Variants in RLN1 observed in about 807,000 individuals in gnomAD.
RLN1 encodes the protein prorelaxin H1.
Under a neutral mutation model 7.2 loss-of-function variants are expected in RLN1, and 4 were observed. The observed-to-expected ratio is 0.56, with a 90% CI of 0.28 to 1.28. RLN1 has a LOEUF of 1.28. RLN1 is among the 50% of genes most tolerant of loss of function. The pLI, the probability that RLN1 is intolerant of heterozygous loss-of-function variation, is 0.11. For missense variants in RLN1, 293 were observed against 221.1 expected, an observed-to-expected ratio of 1.32 and a Z score of -2.06; for synonymous variants, 105 against 86.0, an observed-to-expected ratio of 1.22 and a Z score of -1.22.
rs1207253480 is a variant in RLN1, at chr9:5,335,290, T to C, written c.519A>G (p.Leu173=). 3.7e-6 allele frequency: 6 copies of C among 1,601,072 alleles called. No homozygotes were observed. The South Asian group carries it at 6.9e-5, about 18-fold the overall frequency. The part of the protein sequence containing the change: ...PYVALFEKCC[L]IGCTKRSLAK... ...CAAGAGACCTTTTGGTACAACCAAT[T>C]AGGCAACATTTCTCAAACAGTGCCA... Residue 173 remains leucine, a synonymous_variant, in exon 2 of 2, where the codon CTA becomes CTG. Coordinates refer to ENST00000223862, the MANE Select transcript of RLN1 (RefSeq NM_006911.4).
chr9:5,339,764 C>T lies in RLN1; in HGVS notation c.-18G>A. The T allele has an allele frequency of 1.2e-6, 2 of 1,612,902 alleles. No homozygotes were observed. The highest frequency in any genetic ancestry group is 1.7e-6 in the Non-Finnish European group (2 of 1,179,342). On this transcript the variant is annotated 5_prime_UTR_variant, in exon 1 of 2. Coordinates refer to ENST00000223862, the MANE Select transcript of RLN1 (RefSeq NM_006911.4). ...CGAGGCATCCTGGGCCTGGTCTCTC[C>T]TGGAGGTCTGGGTGTTGCAGCCTTT...
At chr9:5,337,735 T>A (rs1298716097) in intron 1 of RLN1, among the ~76,000 whole-genome samples, 1 of 152,054 alleles carries the variant, frequency 6.6e-6, no homozygotes, top group Non-Finnish European at 1.5e-5. Context: ...TTTTCTGAGG[T>A]TACTTTCAGT....
chr9:5,335,247 C>A lies in RLN1; in HGVS notation c.*4G>T. The stretch of plus-strand genomic sequence containing the variant: ...TAGACAAGATGTGCACAATTAGCTT[C>A]ATCTCAGCAATATTTAGCAAGAGAC... On this transcript the variant is annotated 3_prime_UTR_variant, in exon 2 of 2. Coordinates refer to ENST00000223862, the MANE Select transcript of RLN1 (RefSeq NM_006911.4). The A allele has an allele frequency of 6.4e-7, 1 of 1,559,878 alleles. No individual in the cohort carries two copies. Among genetic ancestry groups the A allele is most frequent in the Non-Finnish European group, 8.7e-7 (1 of 1,151,418 alleles).
chr9:5,339,703 A>G lies in RLN1; in HGVS notation c.44T>C (p.Leu15Pro). ...FLFHLLEFCL[L>P]LNQFSRAVAA... is the part of the protein sequence containing the mutation. Reference sequence around the variant, plus strand: ...GACTGCTCTGGAAAATTGGTTCAGTAGTAAACAGAATTCTAGCAGGTGGAA... The same window carrying G: ...GACTGCTCTGGAAAATTGGTTCAGTGGTAAACAGAATTCTAGCAGGTGGAA... Residue 15 changes from leucine to proline, a missense_variant, in exon 1 of 2, where the codon CTA (leucine) becomes CCA (proline). Leu to Pro is a moderately conservative substitution (Grantham distance 98, BLOSUM62 -3). Coordinates refer to ENST00000223862, the MANE Select transcript of RLN1 (RefSeq NM_006911.4). 6.2e-7 allele frequency: 1 copy of G among 1,613,322 alleles called. No individual in the cohort carries two copies. Among genetic ancestry groups the G allele is most frequent in the Admixed American group, 1.7e-5 (1 of 60,004 alleles).
intron 1 of RLN1, 55 bp from the exon 2 acceptor site, chr9:5,335,652 T>G: frequency 9.2e-7 from 1 of 1,082,374 alleles, no homozygotes; most frequent in Non-Finnish European, 1.3e-6. Context: ...CAAAGAGCAT[T>G]CAGAAAAACT....
In RLN1 at chr9:5,335,167, T is replaced by G. The variant is rs1485155301; in HGVS notation, c.*84A>C. 1 of 717,444 alleles carries G rather than the reference T, an allele frequency of 1.4e-6. No homozygotes were observed. Among genetic ancestry groups the G allele is most frequent in the Non-Finnish European group, 2.2e-6 (1 of 446,200 alleles). 44.4% of individuals were successfully genotyped at this position (717,444 alleles called of 1,614,324 possible). A position where few individuals can be genotyped will look rare whatever the true frequency, so the allele number is the denominator to read the frequency against. ...TAAAGATTTCTTATATTCTAATAAT[T>G]AGTGGGACCTGACAGAAGCATCAGT... On this transcript the variant is annotated 3_prime_UTR_variant, in exon 2 of 2. Transcript: ENST00000223862.
At chr9:5,339,970 G>T, upstream of RLN1, 1 of 586,252 alleles carries the variant, frequency 1.7e-6, no homozygotes, top group South Asian at 2.1e-5. Context: ...TTCAGCTCTT[G>T]TTCTGCCTCT....
intron 1 of RLN1, among the ~76,000 whole-genome samples, chr9:5,336,977 G>T (rs1039627492): frequency 1.3e-5 from 2 of 151,862 alleles, no homozygotes; most frequent in Non-Finnish European, 2.9e-5. Context: ...GTTGGAGTTT[G>T]ACAGAGCAAT....
Position 5,339,786 on chromosome 9 carries a change from C to G in RLN1, c.-40G>C, listed in dbSNP as rs749994356. 6 of 1,603,576 alleles carry G rather than the reference C, an allele frequency of 3.7e-6. 1 individual carries two copies. In the South Asian group the frequency reaches 6.6e-5, roughly 18 times the overall value. ...CTCCTGGAGGTCTGGGTGTTGCAGC[C>G]TTTCAGGACTGCGGCTGCTGTGGCC... On this transcript the variant is annotated 5_prime_UTR_variant, in exon 1 of 2. Transcript: ENST00000223862.
Position 5,335,437 on chromosome 9 carries a change from A to C in RLN1, c.372T>G (p.Leu124=). 6.2e-7 allele frequency: 1 copy of C among 1,613,774 alleles called. No homozygotes were observed. The highest frequency in any genetic ancestry group is 8.5e-7 in the Non-Finnish European group (1 of 1,179,834). Residue 124 remains leucine, a synonymous_variant, in exon 2 of 2, where the codon CTT becomes CTG. Coordinates refer to ENST00000223862, the MANE Select transcript of RLN1 (RefSeq NM_006911.4). ...QYVPALKDSN[L]SFEEFKKLIR... The stretch of plus-strand genomic sequence containing the variant: ...TAAGTTTCTTAAATTCTTCAAAGCT[A>C]AGATTGGAATCCTTTAATGCAGGTA...
At chr9:5,337,731 G>C (rs1363110898) in intron 1 of RLN1, among the ~76,000 whole-genome samples, 2 of 151,994 alleles carry the variant, frequency 1.3e-5, no homozygotes, top group Non-Finnish European at 2.9e-5. Flanking sequence ...AATATTTTCT[G>C]AGGTTACTTT....
At chr9:5,339,926 C>T (rs1014245124), upstream of RLN1, 3 of 638,338 alleles carry the variant, frequency 4.7e-6, no homozygotes, top group Admixed American at 5.9e-5. Context: ...GCCAGCTCCA[C>T]CCCTTTCCCA....
At chr9:5,337,488 T>C (rs1210429223) in intron 1 of RLN1, among the ~76,000 whole-genome samples, 3 of 152,048 alleles carry the variant, frequency 2.0e-5, no homozygotes, top group Non-Finnish European at 2.9e-5. Flanking sequence ...CTTACTGAAA[T>C]AGATCTCTGG....
chr9:5,335,605 G>A lies in RLN1; in HGVS notation c.212-8C>T. ...TGAAGGATGGTACAATTTCTGTTAA[G>A]TTTAAAAAAAAAGTGTATGTGAAGG... On this transcript the variant is annotated splice_region_variant and splice_polypyrimidine_tract_variant and intron_variant, in intron 1 of 1. Coordinates refer to ENST00000223862, the MANE Select transcript of RLN1 (RefSeq NM_006911.4). 1 of 1,565,692 alleles carries A rather than the reference G, an allele frequency of 6.4e-7. No homozygotes were observed.
At chr9:5,336,535 T>C (rs888361469) in intron 1 of RLN1, among the ~76,000 whole-genome samples, 1 of 152,114 alleles carries the variant, frequency 6.6e-6, no homozygotes, top group Non-Finnish European at 1.5e-5. Flanking sequence ...TGTTTTTGTG[T>C]CTCTGGCACT....
At chr9:5,336,139 CAGG>C (rs1427446333) in intron 1 of RLN1, among the ~76,000 whole-genome samples, 1 of 152,010 alleles carries the variant, frequency 6.6e-6, no homozygotes, top group Admixed American at 6.6e-5. Flanking sequence ...ATCTAATCAG[CAGG>C]AGAAGGAAAT....
chr9:5,339,232 C>T, intron 1 of RLN1: 1 of 237,580 alleles, frequency 4.2e-6, no homozygotes, highest in Non-Finnish European at 7.3e-6. Context: ...CTTCCCCTCC[C>T]TTTCCACCCC....
chr9:5,335,341 A>C lies in RLN1; in HGVS notation c.468T>G (p.His156Gln). The part of the protein sequence containing the change: ...SELKYLGLDT[H>Q]SQKKRRPYVA... ...CGTAGGGTCGTCTCTTTTTTTGAGA[A>C]TGAGTATCCAAGCCTAAGTATTTTA... Residue 156 changes from histidine to glutamine, a missense_variant, in exon 2 of 2, where the codon CAT becomes CAG. Transcript: ENST00000223862. The C allele has an allele frequency of 6.2e-7, 1 of 1,612,960 alleles. No homozygotes were observed. Among genetic ancestry groups the C allele is most frequent in the Non-Finnish European group, 8.5e-7 (1 of 1,179,616 alleles).
At chr9:5,335,832 C>T (rs1438775257) in intron 1 of RLN1, among the ~76,000 whole-genome samples, 1 of 152,006 alleles carries the variant, frequency 6.6e-6, no homozygotes, top group Non-Finnish European at 1.5e-5. Context: ...TCTCTCGTCT[C>T]TCTTCATTAT....
Sources: allele counts gnomAD v4.1 joint callset (sites outside exome capture counted in the v4.1 genomes callset), GRCh38; gene constraint gnomAD v4.1.1; transcripts MANE v1.5; gene names NCBI Gene and HGNC (gene_info 2026-07-23, HGNC 2026-07-21).